PTPRD: variants seen among roughly 807,000 people sequenced by gnomAD.
The protein encoded by PTPRD is protein tyrosine phosphatase receptor type D, also known as receptor-type tyrosine-protein phosphatase delta.
Under a neutral mutation model 214.5 loss-of-function variants are expected in PTPRD, and 34 were observed. The ratio of observed to expected loss-of-function variants is 0.16; its 90% CI spans 0.12 to 0.21. The LOEUF (loss-of-function observed/expected upper bound fraction) is 0.21. Ranked by LOEUF, PTPRD falls within the 10% of genes least tolerant of loss-of-function variation. The pLI is 1.00. For missense variants in PTPRD, 2,545 were observed against 2,398.7 expected (o/e 1.06, Z -1.27); for synonymous variants, 1,128 against 845.7 (o/e 1.33, Z -5.79).
chr9:8,739,557 A>C (rs1221032190), intron 11 of PTPRD, among the ~76,000 whole-genome samples: 1 of 152,234 alleles, frequency 6.6e-6, no homozygotes, highest in African/African-American at 2.4e-5. Flanking sequence ...GGTTTACAGC[A>C]CTGAACAGAA....
intron 42 of PTPRD, among the ~76,000 whole-genome samples, chr9:8,339,600 T>C (rs1029979627): frequency 6.6e-6 from 1 of 152,140 alleles, no homozygotes; most frequent in Admixed American, 6.6e-5. Context: ...AGTCAGTTAC[T>C]TTCCTCGTCT....
chr9:9,729,111 G>A (rs776492513), intron 7 of PTPRD, among the ~76,000 whole-genome samples: 19 of 152,076 alleles, frequency 1.2e-4, no homozygotes, highest in Admixed American at 4.6e-4. Context: ...TCCCATTTCC[G>A]TTTGAGTAGT....
At chr9:10,525,652 T>C (rs1487774821) in intron 2 of PTPRD, among the ~76,000 whole-genome samples, 2 of 151,874 alleles carry the variant, frequency 1.3e-5, no homozygotes, top group South Asian at 2.1e-4. Context: ...TGAATAAAAA[T>C]ATTCTCCACA....
chr9:9,855,735 T>C (rs1200827130), intron 5 of PTPRD, among the ~76,000 whole-genome samples: 1 of 152,114 alleles, frequency 6.6e-6, no homozygotes, highest in Non-Finnish European at 1.5e-5. Context: ...GGGCGAACAC[T>C]TTTGGGAGCT....
intron 10 of PTPRD, among the ~76,000 whole-genome samples, chr9:9,022,501 T>C (rs557221337): frequency 6.6e-6 from 1 of 152,282 alleles, no homozygotes; most frequent in East Asian, 1.9e-4. Context: ...TTCAGCACAG[T>C]AACATTCTGT....
At chr9:10,375,311 TA>T (rs1178076079) in intron 2 of PTPRD, among the ~76,000 whole-genome samples, 1 of 152,032 alleles carries the variant, frequency 6.6e-6, no homozygotes, top group African/African-American at 2.4e-5. Flanking sequence ...GAACTGGATC[TA>T]TTTTAAAACT....
intron 10 of PTPRD, among the ~76,000 whole-genome samples, chr9:9,140,203 G>T (rs1391280600): frequency 7.0e-6 from 1 of 142,958 alleles, no homozygotes; most frequent in Admixed American, 7.0e-5. Context: ...AAAAAAAAAA[G>T]AAAAAGAAAA....
intron 7 of PTPRD, among the ~76,000 whole-genome samples, chr9:9,658,384 T>C (rs529480132): frequency 1.3e-5 from 2 of 152,216 alleles, no homozygotes; most frequent in Non-Finnish European, 2.9e-5. Flanking sequence ...TTAGTACTTA[T>C]AATGTATTAA....
intron 9 of PTPRD, among the ~76,000 whole-genome samples, chr9:9,279,550 G>T (rs566181123): frequency 6.7e-6 from 1 of 150,060 alleles, no homozygotes; most frequent in East Asian, 2.0e-4. Context: ...TTTAAATTTC[G>T]TTTTTGTAAA....
intron 9 of PTPRD, among the ~76,000 whole-genome samples, chr9:9,240,202 G>C (rs1162699073): frequency 1.3e-5 from 2 of 151,890 alleles, no homozygotes; most frequent in Non-Finnish European, 2.9e-5. Flanking sequence ...AATATTTTTG[G>C]TATTCTGAAA....
In PTPRD at chr9:9,029,893, T is replaced by C. The variant is rs1024413611; in HGVS notation, c.-142-11158A>G. ...GATGAAAGACATTTGATGACCACCT[T>C]GGTAGAATTGAATGTGGAATTCAAG... On this transcript the variant is annotated intron_variant, in intron 10 of 45. Coordinates refer to ENST00000381196, the MANE Select transcript of PTPRD (RefSeq NM_002839.4). Among the ~76,000 whole-genome samples the C allele has an allele frequency of 4.6e-5, 7 of 151,962 alleles. No homozygotes were observed. The Admixed American group carries it at 4.6e-4, about 10-fold the overall frequency.
intron 10 of PTPRD, among the ~76,000 whole-genome samples, chr9:9,058,342 G>T (rs969662107): frequency 2.0e-5 from 3 of 150,486 alleles, no homozygotes; most frequent in Non-Finnish European, 3.0e-5. Flanking sequence ...TGATTTGTGT[G>T]AATTTGGATT....
At chr9:9,066,600 A>T (rs929303393) in intron 10 of PTPRD, among the ~76,000 whole-genome samples, 2 of 152,140 alleles carry the variant, frequency 1.3e-5, no homozygotes, top group African/African-American at 4.8e-5. Context: ...GGAACTTGAG[A>T]GGGGGGAGAT....
Position 10,063,868 on chromosome 9 carries a change from T to C in PTPRD, c.-544-30078A>G, listed in dbSNP as rs148861581. On this transcript the variant is annotated intron_variant, in intron 3 of 45. Coordinates refer to ENST00000381196, the MANE Select transcript of PTPRD (RefSeq NM_002839.4). ...AAAACAAAAACAACACCTCAGAATC[T>C]CTAGCTCCCAGTGGATAGTCCTCAA... 1.8e-3 allele frequency among the ~76,000 whole-genome samples: 271 copies of C among 152,010 alleles called. 1 individual carries two copies. Among genetic ancestry groups the C allele is most frequent in the African/African-American group, 6.3e-3 (263 of 41,508 alleles).
chr9:9,878,752 C>T (rs1435227643), intron 5 of PTPRD, among the ~76,000 whole-genome samples: 1 of 152,124 alleles, frequency 6.6e-6, no homozygotes, highest in East Asian at 1.9e-4. Flanking sequence ...TACTTCCTGC[C>T]TTAACTTTCC....
chr9:9,619,102 G>A (rs1385451106), intron 7 of PTPRD, among the ~76,000 whole-genome samples: 1 of 152,096 alleles, frequency 6.6e-6, no homozygotes, highest in Non-Finnish European at 1.5e-5. Context: ...GTGGACTGGT[G>A]GTACAAATTT....
intron 10 of PTPRD, among the ~76,000 whole-genome samples, chr9:9,153,896 T>C (rs757894918): frequency 4.6e-5 from 7 of 152,148 alleles, no homozygotes; most frequent in Non-Finnish European, 8.8e-5. Flanking sequence ...TTTAGGTTGT[T>C]AACTAGTGAG....
At chr9:9,733,902 G>C (rs1329178167) in intron 7 of PTPRD, among the ~76,000 whole-genome samples, 1 of 152,140 alleles carries the variant, frequency 6.6e-6, no homozygotes, top group Non-Finnish European at 1.5e-5. Context: ...AGACTGGGTG[G>C]ATTCAAACAT....
chr9:9,572,276 C>G (rs2086682722), intron 8 of PTPRD, among the ~76,000 whole-genome samples: 1 of 151,270 alleles, frequency 6.6e-6, no homozygotes, highest in African/African-American at 2.4e-5. Context: ...TCTATCATGA[C>G]TGATTTTCAA....
Sources: allele counts gnomAD v4.1 joint callset (sites outside exome capture counted in the v4.1 genomes callset), GRCh38; gene constraint gnomAD v4.1.1; transcripts MANE v1.5; gene names NCBI Gene and HGNC (gene_info 2026-07-23, HGNC 2026-07-21).